The following FREM1 variants were observed in gnomAD, a reference collection of about 807,000 sequenced individuals.
FREM1 encodes FRAS1 related extracellular matrix 1.
Under a neutral mutation model 210.1 loss-of-function variants are expected in FREM1, and 220 were observed. The observed-to-expected ratio is 1.05, with a 90% confidence interval of 0.94 to 1.17. The LOEUF is 1.17. Ranked by LOEUF, FREM1 falls within the 50% of genes most tolerant of loss-of-function variation. FREM1 has a pLI of 0.00. For synonymous variants in FREM1, 1,189 were observed against 980.2 expected (o/e 1.21, Z -3.98); for missense variants, 3,454 against 2,675.5 (o/e 1.29, Z -6.42).
chr9:14,760,064 C>T (rs537839304), intron 27 of FREM1, among the ~76,000 whole-genome samples, 163 bp from the exon 28 acceptor site: 1 of 152,308 alleles, frequency 6.6e-6, no homozygotes, highest in South Asian at 2.1e-4. Flanking sequence ...AGAATGTCTA[C>T]TAACATTATC....
At chr9:14,864,125 A>G (rs1288132698) in intron 2 of FREM1, among the ~76,000 whole-genome samples, 1 of 152,200 alleles carries the variant, frequency 6.6e-6, no homozygotes, top group African/African-American at 2.4e-5. Flanking sequence ...CTAAGTTGTG[A>G]AAACCAAAGC....
chr9:14,747,561 C>G, intron 32 of FREM1, 120 bp downstream of exon 32: 7 of 1,069,118 alleles, frequency 6.5e-6, no homozygotes, highest in Non-Finnish European at 7.9e-6. Context: ...ACCCAAGCCT[C>G]TAATTTCAAA....
At chr9:14,756,267 T>G in intron 29 of FREM1, 107 bp downstream of exon 29, 1 of 789,874 alleles carries the variant, frequency 1.3e-6, no homozygotes, top group Non-Finnish European at 2.0e-6. Flanking sequence ...GAGTTTCTAG[T>G]TGGCTAAAGT....
chr9:14,904,183 G>A (rs560185099), intron 1 of FREM1, among the ~76,000 whole-genome samples: 2 of 148,666 alleles, frequency 1.3e-5, no homozygotes, highest in East Asian at 4.0e-4. Context: ...CTAGTGACTA[G>A]TTTCCTCCTT....
intron 5 of FREM1, 28 bp downstream of exon 5, chr9:14,857,525 G>A (rs776635249): frequency 1.1e-5 from 17 of 1,571,582 alleles, no homozygotes; most frequent in Non-Finnish European, 1.3e-5. Context: ...GAATCCTGGG[G>A]GCACCCACAC....
intron 7 of FREM1, among the ~76,000 whole-genome samples, chr9:14,847,034 C>A (rs2131310435): frequency 6.6e-6 from 1 of 152,286 alleles, no homozygotes; most frequent in South Asian, 2.1e-4. Flanking sequence ...GCAATGGCTG[C>A]TAAGAGGGGC....
rs749979962 is a variant in FREM1, at chr9:14,868,766, C to T, written c.212G>A (p.Arg71Lys). 6 of 1,611,740 alleles carry T rather than the reference C, an allele frequency of 3.7e-6. No homozygotes were observed. The highest frequency in any genetic ancestry group is 2.2e-5 in the South Asian group (2 of 90,460). Residue 71 changes from arginine (R) to lysine (K), a missense_variant, in exon 2 of 37, where the codon AGG (arginine) becomes AAG (lysine). Physicochemically the swap from Arg to Lys is conservative, Grantham distance 26 (BLOSUM62 2). Transcript: ENST00000380880. Reference protein sequence around the residue: ...EVVMNEPITQRVGKLTPQVFD... With the variant: ...EVVMNEPITQKVGKLTPQVFD... ...TACCTGTGGAGTGAGTTTCCCAACC[C>T]TCTGGGTTATTGGCTCATTCATCAC...
Position 14,823,253 on chromosome 9 carries a change from C to G in FREM1, c.2244G>C (p.Gln748His), listed in dbSNP as rs1821713311. The G allele has an allele frequency of 1.2e-6, 2 of 1,613,924 alleles. No individual in the cohort carries two copies. Among genetic ancestry groups the G allele is most frequent in the Middle Eastern group, 1.6e-4 (1 of 6,062 alleles). Reference sequence around the variant, plus strand: ...GTTGGTTACTGACAGAAAATGTGAACTGGACATCTCTGCAATGGGGACCAA... The same window carrying G: ...GTTGGTTACTGACAGAAAATGTGAAGTGGACATCTCTGCAATGGGGACCAA... ...QDIGPHCRDV[Q>H]FTFSVSNQHG... is the part of the protein sequence containing the mutation. Residue 748 changes from glutamine to histidine, a missense_variant, in exon 13 of 37, where the codon CAG becomes CAC. Physicochemically the swap from Gln to His is conservative, Grantham distance 24 (BLOSUM62 0). Coordinates refer to ENST00000380880, the MANE Select transcript of FREM1 (RefSeq NM_001379081.2).
intron 3 of FREM1, among the ~76,000 whole-genome samples, chr9:14,860,717 A>ACG (rs1829819792): frequency 1.2e-5 from 1 of 81,708 alleles, no homozygotes; most frequent in African/African-American, 5.2e-5. Flanking sequence ...ACACATATAT[A>ACG]CACATATATA....
chr9:14,846,906 C>T (rs1826733885), intron 7 of FREM1, among the ~76,000 whole-genome samples: 1 of 152,186 alleles, frequency 6.6e-6, no homozygotes, highest in East Asian at 1.9e-4. Flanking sequence ...TTGTAAAGCC[C>T]TCCTGCCACC....
intron 23 of FREM1, among the ~76,000 whole-genome samples, chr9:14,784,921 T>A (rs1251860350): frequency 6.6e-6 from 1 of 152,342 alleles, no homozygotes; most frequent in Admixed American, 6.5e-5. Flanking sequence ...AACTTTTTGA[T>A]TGGCAAGGAT....
At chr9:14,773,811 T>C (rs1000324126) in intron 25 of FREM1, among the ~76,000 whole-genome samples, 1 of 152,106 alleles carries the variant, frequency 6.6e-6, no homozygotes, top group African/African-American at 2.4e-5. Flanking sequence ...CCATCCTCTT[T>C]TCCATCTGTG....
intron 1 of FREM1, among the ~76,000 whole-genome samples, chr9:14,879,816 T>G (rs1834464700): frequency 6.6e-6 from 1 of 152,190 alleles, no homozygotes; most frequent in East Asian, 1.9e-4. Context: ...TATTAACATG[T>G]AATTAAATGG....
intron 27 of FREM1, among the ~76,000 whole-genome samples, chr9:14,765,191 A>G (rs768697862): frequency 1.2e-4 from 19 of 152,246 alleles, no homozygotes; most frequent in Non-Finnish European, 2.6e-4. Context: ...AGACTTCTCA[A>G]TTCATAGATG....
chr9:14,885,488 T>C (rs1835648325), intron 1 of FREM1, among the ~76,000 whole-genome samples: 1 of 152,208 alleles, frequency 6.6e-6, no homozygotes, highest in Non-Finnish European at 1.5e-5. Flanking sequence ...GGTGCGATGA[T>C]AGCTGACTGC....
chr9:14,788,593 T>A (rs1587979235), intron 23 of FREM1, among the ~76,000 whole-genome samples: 1 of 152,230 alleles, frequency 6.6e-6, no homozygotes, highest in East Asian at 1.9e-4. Flanking sequence ...AAACTAGAGT[T>A]ACACATCAAC....
At chr9:14,797,073 C>A (rs79270239) in intron 21 of FREM1, among the ~76,000 whole-genome samples, 2 of 152,276 alleles carry the variant, frequency 1.3e-5, no homozygotes, top group Admixed American at 6.5e-5. Context: ...CCCTCCGCCA[C>A]GCTTAGTTAC....
chr9:14,819,389 T>C lies in FREM1; in HGVS notation c.2391A>G (p.Thr797=). 6.2e-7 allele frequency: 1 copy of C among 1,613,706 alleles called. No homozygotes were observed. The highest frequency in any genetic ancestry group is 2.2e-5 in the East Asian group (1 of 44,870). The change falls in exon 14 of 37, where the codon ACA becomes ACG. Residue 797 remains threonine, a synonymous_variant. Coordinates refer to ENST00000380880, the MANE Select transcript of FREM1 (RefSeq NM_001379081.2). The part of the protein sequence containing the change: ...VTEGGQSIIS[T]EHILISDADT... ...CTGCATCAGAAATTAGAATGTGCTCTGTGCTGATGATGCTTTGACCTCCCT... is the reference window on the plus strand; with the variant it reads ...CTGCATCAGAAATTAGAATGTGCTCCGTGCTGATGATGCTTTGACCTCCCT...
rs776819122 is a variant in FREM1 at position 14,789,072 on chromosome 9, T to C, written c.4024A>G (p.Thr1342Ala). 2 of 1,605,282 alleles carry C rather than the reference T, an allele frequency of 1.2e-6. No individual in the cohort carries two copies. The highest frequency in any genetic ancestry group is 1.7e-6 in the Non-Finnish European group (2 of 1,175,644). ...AAGTTCAGATCCACTTCCTCCTGAG[T>C]GCATTTCATGCCAGGGGAGAGAGGA... is the stretch of plus-strand genomic sequence containing the variant. Reference protein sequence around the residue: ...WVPLSPGMKCTQEEVDLNLLR... With the variant: ...WVPLSPGMKCAQEEVDLNLLR... Residue 1342 changes from threonine (T) to alanine (A), a missense_variant, in exon 23 of 37, where the codon ACT (threonine) becomes GCT (alanine). By Grantham distance (58) the Thr-to-Ala change is moderately conservative (BLOSUM62 0). Transcript: ENST00000380880.
Sources: gnomAD v4.1 joint callset for allele counts (sites outside exome capture counted in the v4.1 genomes callset) on GRCh38, gnomAD v4.1.1 for gene constraint, MANE v1.5 for transcripts, NCBI Gene and HGNC (gene_info 2026-07-23, HGNC 2026-07-21) for gene names.